Variants in KCNN1 observed in about 807,000 individuals in gnomAD.
KCNN1 encodes small conductance calcium-activated potassium channel protein 1.
KCNN1 carries 20 observed loss-of-function variants against 44.7 expected under a neutral mutation model. The ratio of observed to expected loss-of-function variants is 0.45; its 90% CI spans 0.32 to 0.65. The LOEUF (loss-of-function observed/expected upper bound fraction) is 0.65. Among genes scored for constraint, KCNN1 ranks in the 30% least tolerant of loss-of-function variants. The pLI is 0.05. For synonymous variants in KCNN1, 324 were observed against 341.7 expected, an observed-to-expected ratio of 0.95 and a Z score of 0.57; for missense variants, 632 against 785.3, an observed-to-expected ratio of 0.80 and a Z score of 2.33.
intron 1 of KCNN1, among the ~76,000 whole-genome samples, chr19:17,970,624 C>G (rs2031985777): frequency 6.6e-6 from 1 of 151,736 alleles, no homozygotes; most frequent in Non-Finnish European, 1.5e-5. Context: ...GCCAGTTTTG[C>G]CATGTTGGCC....
intron 2 of KCNN1, among the ~76,000 whole-genome samples, chr19:17,961,586 C>CTTTCTTTT (rs113710284): frequency 7.7e-6 from 1 of 130,050 alleles, no homozygotes; most frequent in Non-Finnish European, 1.6e-5. Flanking sequence ...TTCTTTCTTT[C>CTTTCTTTT]TTTTTTTTTT....
chr19:17,953,707 C>T (rs962045541), intron 1 of KCNN1, among the ~76,000 whole-genome samples: 1 of 152,148 alleles, frequency 6.6e-6, no homozygotes, highest in African/African-American at 2.4e-5. Flanking sequence ...TTTGGAAGGG[C>T]GAGGCAAGCT....
upstream of KCNN1, among the ~76,000 whole-genome samples, chr19:17,966,945 G>A (rs2031827586): frequency 6.6e-6 from 1 of 151,122 alleles, no homozygotes; most frequent in African/African-American, 2.4e-5. Context: ...GGGGGAGTTC[G>A]AAGACCAGCC....
At chr19:17,954,299 A>G (rs2031488937) in intron 1 of KCNN1, among the ~76,000 whole-genome samples, 1 of 152,168 alleles carries the variant, frequency 6.6e-6, no homozygotes, top group African/African-American at 2.4e-5. Flanking sequence ...TCTACTAAAA[A>G]TACAAAAAGT....
rs547578809 is a variant in KCNN1, at chr19:17,952,049, G to C, written c.-203+640G>C. The C allele has an allele frequency of 1.3e-3, 196 of 152,524 alleles. 1 individual carries two copies. Among genetic ancestry groups the C allele is most frequent in the African/African-American group, 4.4e-3 (182 of 41,580 alleles). 9.4% of individuals were successfully genotyped at this position (152,524 alleles called of 1,614,324 possible). A position where few individuals can be genotyped will look rare whatever the true frequency, so the allele number is the denominator to read the frequency against. ...GTCACGCCCCTGGGTGGAGGGGGGAGAGTGGGCTTTGGCGAGAGACCTGGA... is the reference window on the plus strand; with the variant it reads ...GTCACGCCCCTGGGTGGAGGGGGGACAGTGGGCTTTGGCGAGAGACCTGGA... On this transcript the variant is annotated intron_variant, in intron 1 of 10. Transcript: ENST00000222249.
At position 17,977,687 on chromosome 19, in the gene KCNN1, G is replaced by A. The variant is rs189137309; in HGVS notation, c.498+2500G>A. Among the ~76,000 whole-genome samples, 14 of 151,982 alleles carry A rather than the reference G, an allele frequency of 9.2e-5. No individual in the cohort carries two copies. The East Asian group carries it at 2.3e-3, about 25-fold the overall frequency. On this transcript the variant is annotated intron_variant, in intron 3 of 9. Transcript: ENST00000684775. ...AACTTCATTTTAACTAGCCGACCTC[G>A]TTACAATGACCTCATTTAACGAGAT...
In KCNN1 at chr19:17,974,279, G is replaced by T. The variant is rs1456266392; in HGVS notation, c.391G>T (p.Val131Leu). ...MVTETELSWG[V>L]YTKESLYSFA... ...GACGGAGACCGAGCTGTCCTGGGGGGTGTACACCAAGGTAGGCGTGGTCCT... is the reference window on the plus strand; with the variant it reads ...GACGGAGACCGAGCTGTCCTGGGGGTTGTACACCAAGGTAGGCGTGGTCCT... Residue 131 changes from valine to leucine, a missense_variant, in exon 2 of 10, where the codon GTG becomes TTG. Physicochemically the swap from Val to Leu is conservative, Grantham distance 32. This residue lies in a region of KCNN1 where 235 missense variants were observed against 224.0 expected (regional missense o/e 1.05). Coordinates refer to ENST00000684775, the MANE Select transcript of KCNN1 (RefSeq NM_001386974.1). This position sits in a 1 kb window ranked among gnomAD's most constrained non-coding sequence, Gnocchi z 7.3. 14 of 1,571,172 alleles carry T rather than the reference G, an allele frequency of 8.9e-6. No homozygotes were observed. The highest frequency in any genetic ancestry group is 6.8e-5 in the East Asian group (3 of 44,322).
chr19:17,996,976 C>T (rs1051611549), intron 9 of KCNN1, among the ~76,000 whole-genome samples: 1 of 152,218 alleles, frequency 6.6e-6, no homozygotes, highest in Admixed American at 6.5e-5. Flanking sequence ...AACCGGTGTC[C>T]TGACCCAGCT....
chr19:17,963,545 A>C (rs1433597413), upstream of KCNN1, among the ~76,000 whole-genome samples: 1 of 151,868 alleles, frequency 6.6e-6, no homozygotes, highest in Non-Finnish European at 1.5e-5. Flanking sequence ...CGAACTCCTG[A>C]CCTCAGGTGA....
intron 4 of KCNN1, among the ~76,000 whole-genome samples, chr19:17,984,850 CTA>C (rs1363966303): frequency 1.3e-5 from 2 of 152,114 alleles, no homozygotes; most frequent in African/African-American, 4.8e-5. Flanking sequence ...TATGTCCTTC[CTA>C]TATGGACGTC....
chr19:17,986,705 C>T (rs1244523700), intron 5 of KCNN1, among the ~76,000 whole-genome samples: 4 of 152,204 alleles, frequency 2.6e-5, no homozygotes, highest in African/African-American at 9.7e-5. Context: ...CTATGTTGCC[C>T]AGGCTGGTCA....
chr19:17,986,349 G>A (rs1343699446), intron 5 of KCNN1, among the ~76,000 whole-genome samples: 1 of 143,192 alleles, frequency 7.0e-6, no homozygotes, highest in Admixed American at 7.1e-5. Flanking sequence ...GGCAACCAGA[G>A]TGAACTAAGT....
At position 17,970,977 on chromosome 19, in the gene KCNN1, G is replaced by A. The variant is rs747817644; in HGVS notation, c.-81-2831G>A. Among the ~76,000 whole-genome samples the A allele has an allele frequency of 1.3e-4, 19 of 151,294 alleles. 1 individual carries two copies. The highest frequency in any genetic ancestry group is 6.3e-4 in the South Asian group (3 of 4,798). On this transcript the variant is annotated intron_variant, in intron 1 of 9. Coordinates refer to ENST00000684775, the MANE Select transcript of KCNN1 (RefSeq NM_001386974.1). ...CAGCTCACTGCAGCCTCCACCTCCCGAGTTCAAGCTATTCTCCTGCCTCAG... is the reference window on the plus strand; with the variant it reads ...CAGCTCACTGCAGCCTCCACCTCCCAAGTTCAAGCTATTCTCCTGCCTCAG...
At chr19:17,985,768 T>C (rs566810208) in intron 5 of KCNN1, among the ~76,000 whole-genome samples, 1 of 152,320 alleles carries the variant, frequency 6.6e-6, no homozygotes, top group South Asian at 2.1e-4. Flanking sequence ...CCCTTTATTC[T>C]CTACAGCCTG....
rs1490555564 is a variant in KCNN1, at chr19:17,974,934, C to T, written c.403-158C>T. ...TGTTTCACACACAGCAGCCCCAGGA[C>T]TGGGGAACTAGCAGAAATTCAGGGT... On this transcript the variant is annotated intron_variant, in intron 2 of 9. Transcript: ENST00000684775. The surrounding 1 kb of genome is among the most constrained non-coding windows in gnomAD (Gnocchi z 7.3). Among the ~76,000 whole-genome samples the T allele has an allele frequency of 6.6e-6, 1 of 152,220 alleles. No individual in the cohort carries two copies. Among genetic ancestry groups the T allele is most frequent in the African/African-American group, 2.4e-5 (1 of 41,458 alleles).
chr19:17,951,977 G>A (rs1047720054), intron 1 of KCNN1, among the ~76,000 whole-genome samples: 26 of 152,378 alleles, frequency 1.7e-4, no homozygotes, highest in East Asian at 1.5e-3. Context: ...TGGGCCAGAG[G>A]CGGCAGAGGG....
chr19:17,956,419 T>C (rs1568443761), intron 2 of KCNN1, among the ~76,000 whole-genome samples: 1 of 152,180 alleles, frequency 6.6e-6, no homozygotes, highest in Non-Finnish European at 1.5e-5. Flanking sequence ...AGGTCAGCCC[T>C]TGTGGAATTT....
At position 17,982,004 on chromosome 19, in the gene KCNN1, A is replaced by G. The variant is rs2032428867; in HGVS notation, c.794A>G (p.Lys265Arg). The G allele has an allele frequency of 6.2e-7, 1 of 1,610,928 alleles. No homozygotes were observed. The highest frequency in any genetic ancestry group is 8.5e-7 in the Non-Finnish European group (1 of 1,178,774). Residue 265 changes from lysine to arginine, a missense_variant, in exon 4 of 10, where the codon AAG becomes AGG. By Grantham distance (26) the Lys-to-Arg change is conservative (BLOSUM62 2). This residue lies in a region of KCNN1 where 160 missense variants were observed against 308.3 expected (regional missense o/e 0.52). Transcript: ENST00000684775. ...AGCCGCAGCATCGGGGCCCTCAACAAGATCACCTTCAACACGCGCTTCGTC... is the reference window on the plus strand; with the variant it reads ...AGCCGCAGCATCGGGGCCCTCAACAGGATCACCTTCAACACGCGCTTCGTC... ...ASSRSIGALNKITFNTRFVMK... is the reference protein window; with the variant it reads ...ASSRSIGALNRITFNTRFVMK...
At chr19:17,969,049 A>G (rs2031919324) in intron 1 of KCNN1, among the ~76,000 whole-genome samples, 1 of 152,088 alleles carries the variant, frequency 6.6e-6, no homozygotes. Context: ...TTTCATGGGC[A>G]TCCAAACCTT....
Sources: gnomAD v4.1 joint callset for allele counts (sites outside exome capture counted in the v4.1 genomes callset) on GRCh38, gnomAD v4.1.1 for gene constraint, gnomAD v4.1.1 regional missense constraint, Gnocchi (gnomAD v3.1) non-coding constraint, MANE v1.5 for transcripts, NCBI Gene and HGNC (gene_info 2026-07-23, HGNC 2026-07-21) for gene names.